The following PRKCA variants were observed in gnomAD, a reference collection of about 807,000 sequenced individuals.
PRKCA encodes protein kinase C alpha type.
Under a neutral mutation model 87.0 loss-of-function variants are expected in PRKCA, and 27 were observed. That is an observed-to-expected ratio of 0.31 (90% CI 0.23 to 0.43). The LOEUF (loss-of-function observed/expected upper bound fraction) is 0.43. Ranked by LOEUF, PRKCA falls within the 20% of genes least tolerant of loss-of-function variation. The pLI, the probability that PRKCA is intolerant of heterozygous loss-of-function variation, is 1.00. For synonymous variants in PRKCA, 329 were observed against 311.1 expected (o/e 1.06, Z -0.61); for missense variants, 518 against 852.3 (o/e 0.61, Z 4.88).
chr17:66,319,261 A>G (rs1905508097), intron 2 of PRKCA, among the ~76,000 whole-genome samples: 1 of 152,212 alleles, frequency 6.6e-6, no homozygotes, highest in East Asian at 1.9e-4. Flanking sequence ...TAATATGACA[A>G]TTGAAGTATA....
intron 5 of PRKCA, among the ~76,000 whole-genome samples, chr17:66,655,774 C>T (rs1301247912): frequency 1.3e-5 from 2 of 152,294 alleles, no homozygotes; most frequent in Non-Finnish European, 2.9e-5. Flanking sequence ...CTGCACTCCT[C>T]ACCCCAAATC....
At chr17:66,437,731 T>TTTTTTTTG (rs55779501) in intron 2 of PRKCA, among the ~76,000 whole-genome samples, 15 of 11,140 alleles carry the variant, frequency 1.3e-3, no homozygotes, top group African/African-American at 3.9e-3. Context: ...TTTTTTTTTT[T>TTTTTTTTG]GAGCGGGGGG....
intron 13 of PRKCA, among the ~76,000 whole-genome samples, chr17:66,758,618 T>C (rs574582481): frequency 2.6e-5 from 4 of 152,312 alleles, no homozygotes; most frequent in African/African-American, 9.6e-5. Flanking sequence ...AGCTCATCAT[T>C]GCTGACTGTG....
chr17:66,731,876 C>T (rs937568939), intron 8 of PRKCA, among the ~76,000 whole-genome samples: 8 of 149,706 alleles, frequency 5.3e-5, no homozygotes, highest in African/African-American at 9.8e-5. Context: ...CTCCGCCCCC[C>T]GCCCCCCGGT....
At chr17:66,604,247 G>GAA (rs11443411) in intron 3 of PRKCA, among the ~76,000 whole-genome samples, 6 of 148,340 alleles carry the variant, frequency 4.0e-5, no homozygotes, top group Non-Finnish European at 7.5e-5. Context: ...ACATCTGCAA[G>GAA]AAAAAAAAAA....
intron 3 of PRKCA, among the ~76,000 whole-genome samples, chr17:66,587,594 T>C (rs1243515393): frequency 6.6e-6 from 1 of 150,988 alleles, no homozygotes; most frequent in Admixed American, 6.6e-5. Context: ...GATAGACAGA[T>C]AGATAGATAG....
intron 5 of PRKCA, among the ~76,000 whole-genome samples, chr17:66,659,232 A>G (rs1212182688): frequency 6.6e-6 from 1 of 152,212 alleles, no homozygotes. Flanking sequence ...GGGACTCTGC[A>G]AATGGATGAG....
chr17:66,630,778 C>T (rs1970989269), intron 3 of PRKCA, among the ~76,000 whole-genome samples: 2 of 152,206 alleles, frequency 1.3e-5, no homozygotes, highest in South Asian at 4.1e-4. Context: ...AAACTACTTT[C>T]AGTTGAACTC....
chr17:66,609,920 C>T (rs1970305018), intron 3 of PRKCA, among the ~76,000 whole-genome samples: 1 of 152,044 alleles, frequency 6.6e-6, no homozygotes, highest in African/African-American at 2.4e-5. Flanking sequence ...GATGTTGCCC[C>T]CCACCCACAC....
At position 66,302,627 on chromosome 17, in the gene PRKCA, G is replaced by GGCCAGCGGGCGA. The variant is rs1427503017; in HGVS notation, c.-216_-205dup. On this transcript the variant is annotated 5_prime_UTR_variant, in exon 1 of 17. Coordinates refer to ENST00000413366, the MANE Select transcript of PRKCA (RefSeq NM_002737.3). ...GGCACCGGGCTGTCAGTGAGCCTGG[G>GGCCAGCGGGCGA]GCCAGCGGGCGAGCCAGCGGCTCCG... The GGCCAGCGGGCGA allele has an allele frequency of 6.4e-6, 1 of 155,204 alleles. No individual in the cohort carries two copies. Among genetic ancestry groups the GGCCAGCGGGCGA allele is most frequent in the African/African-American group, 2.4e-5 (1 of 41,026 alleles). 9.6% of individuals were successfully genotyped at this position (155,204 alleles called of 1,614,324 possible).
At chr17:66,685,262 C>G (rs6504447) in intron 5 of PRKCA, among the ~76,000 whole-genome samples, 1 of 151,968 alleles carries the variant, frequency 6.6e-6, no homozygotes, top group African/African-American at 2.4e-5. Context: ...GAATTATGTC[C>G]GTCTTCATTT....
chr17:66,565,518 G>A (rs1326146308), intron 3 of PRKCA, among the ~76,000 whole-genome samples: 1 of 152,160 alleles, frequency 6.6e-6, no homozygotes, highest in Admixed American at 6.5e-5. Flanking sequence ...ATTATAACGT[G>A]GGACTTTCTT....
intron 3 of PRKCA, among the ~76,000 whole-genome samples, chr17:66,507,128 A>G (rs1385517291): frequency 6.6e-6 from 1 of 152,228 alleles, no homozygotes; most frequent in Middle Eastern, 3.2e-3. Context: ...ATGGGAGGCA[A>G]AGGTTAAAAA....
At chr17:66,778,135 C>T (rs1165340772) in intron 14 of PRKCA, 5 of 985,248 alleles carry the variant, frequency 5.1e-6, no homozygotes, top group African/African-American at 1.7e-5. Flanking sequence ...AACTTTCTGG[C>T]CTGTTTCCAA....
chr17:66,323,709 G>A (rs1246124570), intron 2 of PRKCA, among the ~76,000 whole-genome samples: 1 of 152,170 alleles, frequency 6.6e-6, no homozygotes, highest in Non-Finnish European at 1.5e-5. Flanking sequence ...GGAGTCCGAG[G>A]CGGGTGGATC....
At chr17:66,681,926 C>G (rs781341720) in intron 5 of PRKCA, among the ~76,000 whole-genome samples, 1 of 152,240 alleles carries the variant, frequency 6.6e-6, no homozygotes, top group Admixed American at 6.5e-5. Flanking sequence ...TCTGGGTCCA[C>G]ATCTCCACTT....
chr17:66,766,414 G>A (rs540695557), intron 13 of PRKCA, among the ~76,000 whole-genome samples: 187 of 152,188 alleles, frequency 1.2e-3, no homozygotes, highest in African/African-American at 3.6e-3. Context: ...CAAGCAGAGA[G>A]ATGTGGTTGG....
chr17:66,482,098 C>CAAAAAAAAAAAAAAAAAAAAAAA (rs58719328), intron 2 of PRKCA, among the ~76,000 whole-genome samples: 4 of 89,332 alleles, frequency 4.5e-5, no homozygotes, highest in Non-Finnish European at 8.3e-5. Context: ...AAGACTGTCT[C>CAAAAAAAAAAAAAAAAAAAAAAA]AAAAAAAAAA....
chr17:66,500,061 C>T (rs1392447685), intron 3 of PRKCA, among the ~76,000 whole-genome samples: 1 of 152,126 alleles, frequency 6.6e-6, no homozygotes, highest in Non-Finnish European at 1.5e-5. Context: ...GGGACCAGCT[C>T]CCTTATTAGA....
Sources: allele counts gnomAD v4.1 joint callset (sites outside exome capture counted in the v4.1 genomes callset), GRCh38; gene constraint gnomAD v4.1.1; transcripts MANE v1.5; gene names NCBI Gene and HGNC (gene_info 2026-07-23, HGNC 2026-07-21).